Variants in EIF4EBP3 observed in about 807,000 individuals in gnomAD.
EIF4EBP3 encodes eukaryotic translation initiation factor 4E-binding protein 3.
A neutral mutation model predicts 12.1 loss-of-function variants in EIF4EBP3; 11 were observed. The observed-to-expected ratio is 0.91, with a 90% CI of 0.57 to 1.51. The LOEUF is 1.51. EIF4EBP3 is among the 40% of genes most tolerant of loss of function. EIF4EBP3 has a pLI of 0.00. For missense variants in EIF4EBP3, 136 were observed against 131.8 expected (o/e 1.03, Z -0.16); for synonymous variants, 43 against 54.2 (o/e 0.79, Z 0.91).
Position 140,549,448 on chromosome 5 carries a change from C to A in EIF4EBP3, c.*186C>A. On this transcript the variant is annotated 3_prime_UTR_variant, in exon 3 of 3. Transcript: ENST00000310331. ...CCAGGGATAGGAGTGGGCAACTTGC[C>A]AAGCCCTTAACTCTACTTCCTCTTC... 1.1e-6 allele frequency: 1 copy of A among 901,866 alleles called. No individual in the cohort carries two copies. The highest frequency in any genetic ancestry group is 1.7e-6 in the Non-Finnish European group (1 of 582,304). 55.9% of individuals were successfully genotyped at this position (901,866 alleles called of 1,614,324 possible).
At chr5:140,547,979 T>C in intron 1 of EIF4EBP3, 139 bp downstream of exon 1, 1 of 683,748 alleles carries the variant, frequency 1.5e-6, no homozygotes, top group Non-Finnish European at 2.2e-6. Context: ...GGGAGAATGT[T>C]TGGAGCGGAA....
chr5:140,548,928 A>AT lies in EIF4EBP3; in HGVS notation c.126_127insT (p.Lys43Ter). On this transcript the variant is annotated frameshift_variant, in exon 2 of 3. Transcript: ENST00000310331. LOFTEE classifies it high-confidence loss of function. ...CAGGCACCAGGATCATCTACGACCG[A>AT]AAGTTCCTGCTGGAGTGCAAGAACT... The AT allele has an allele frequency of 6.2e-7, 1 of 1,613,956 alleles. No homozygotes were observed. The highest frequency in any genetic ancestry group is 2.2e-5 in the East Asian group (1 of 44,868).
Position 140,549,020 on chromosome 5 carries a change from C to T in EIF4EBP3, c.218C>T (p.Ala73Val), listed in dbSNP as rs1233103151. Residue 73 changes from alanine to valine, a missense_variant, in exon 2 of 3, where the codon GCC becomes GTC. By Grantham distance (64) the Ala-to-Val change is moderately conservative. Coordinates refer to ENST00000310331, the MANE Select transcript of EIF4EBP3 (RefSeq NM_003732.3). ...QIPGVTTPPTAPLSKLEELKE... is the reference protein window; with the variant it reads ...QIPGVTTPPTVPLSKLEELKE... ...CCCGGGGTCACAACTCCTCCAACAG[C>T]CCCTCTCTCCAAGCTGGAGGAGCTG... 4.3e-6 allele frequency: 7 copies of T among 1,614,156 alleles called. No homozygotes were observed. Among genetic ancestry groups the T allele is most frequent in the Non-Finnish European group, 5.1e-6 (6 of 1,180,024 alleles).
Position 140,548,990 on chromosome 5 carries a change from A to G in EIF4EBP3, c.188A>G (p.Gln63Arg), listed in dbSNP as rs1261072281. 2 of 1,613,984 alleles carry G rather than the reference A, an allele frequency of 1.2e-6. No homozygotes were observed. Among genetic ancestry groups the G allele is most frequent in the South Asian group, 2.2e-5 (2 of 91,064 alleles). The change falls in exon 2 of 3, where the codon CAG becomes CGG. Residue 63 changes from glutamine to arginine, a missense_variant. Gln to Arg is a conservative substitution (Grantham distance 43). Coordinates refer to ENST00000310331, the MANE Select transcript of EIF4EBP3 (RefSeq NM_003732.3). ...IARTPPCCLP[Q>R]IPGVTTPPTA... is the part of the protein sequence containing the mutation. Reference sequence around the variant, plus strand: ...CGGACACCCCCCTGCTGCCTCCCTCAGATTCCCGGGGTCACAACTCCTCCA... The same window carrying G: ...CGGACACCCCCCTGCTGCCTCCCTCGGATTCCCGGGGTCACAACTCCTCCA...
rs773017625 is a variant in EIF4EBP3 at position 140,549,219 on chromosome 5, CT to C, written c.275-11del. 6.2e-7 allele frequency: 1 copy of C among 1,614,212 alleles called. No individual in the cohort carries two copies. The highest frequency in any genetic ancestry group is 8.5e-7 in the Non-Finnish European group (1 of 1,180,038). Reference sequence around the variant, plus strand: ...TCAGACCAGCAACCTGTCTTCCTGCCTTTTCTCTCTCCAGATGACGCACAAT... The same window carrying C: ...TCAGACCAGCAACCTGTCTTCCTGCCTTTCTCTCTCCAGATGACGCACAAT... On this transcript the variant is annotated splice_polypyrimidine_tract_variant and intron_variant, in intron 2 of 2. Coordinates refer to ENST00000310331, the MANE Select transcript of EIF4EBP3 (RefSeq NM_003732.3).
chr5:140,548,426 A>G (rs1235973015), intron 1 of EIF4EBP3, among the ~76,000 whole-genome samples: 1 of 152,222 alleles, frequency 6.6e-6, no homozygotes, highest in African/African-American at 2.4e-5. Flanking sequence ...GGATTAGAAC[A>G]GTACGTTTCT....
In EIF4EBP3 at chr5:140,548,922, C is replaced by A. The variant is rs760060728; in HGVS notation, c.120C>A (p.Tyr40Ter). 4.3e-6 allele frequency: 7 copies of A among 1,613,714 alleles called. No individual in the cohort carries two copies. The highest frequency in any genetic ancestry group is 5.1e-6 in the Non-Finnish European group (6 of 1,179,786). Reference sequence around the variant, plus strand: ...CCTTGACAGGCACCAGGATCATCTACGACCGAAAGTTCCTGCTGGAGTGCA... The same window carrying A: ...CCTTGACAGGCACCAGGATCATCTAAGACCGAAAGTTCCTGCTGGAGTGCA... ...ATTPGGTRIIYDRKFLLECKN... is the reference protein window; with the variant it reads ...ATTPGGTRII The change falls in exon 2 of 3, where the codon TAC (tyrosine) becomes TAA (stop). Residue 40 changes from tyrosine to a stop codon, truncating the protein, a stop_gained. Transcript: ENST00000310331. LOFTEE classifies it high-confidence loss of function.
intron 1 of EIF4EBP3, among the ~76,000 whole-genome samples, chr5:140,548,397 T>C (rs1037594931): frequency 6.6e-6 from 1 of 152,218 alleles, no homozygotes; most frequent in African/African-American, 2.4e-5. Context: ...GTGAACCTTA[T>C]AGGACCTGGG....
At chr5:140,548,276 C>G (rs1359614140) in intron 1 of EIF4EBP3, among the ~76,000 whole-genome samples, 1 of 152,226 alleles carries the variant, frequency 6.6e-6, no homozygotes, top group Non-Finnish European at 1.5e-5. Context: ...AGCCTGGGAT[C>G]ACGAGCTGCT....
intron 1 of EIF4EBP3, among the ~76,000 whole-genome samples, chr5:140,548,079 G>C (rs1002989574): frequency 5.3e-5 from 8 of 152,238 alleles, no homozygotes; most frequent in African/African-American, 1.9e-4. Context: ...TGTGGCCTGG[G>C]TTCTTGGAGC....
Position 140,549,550 on chromosome 5 carries a change from T to G in EIF4EBP3, c.*288T>G. The G allele has an allele frequency of 4.0e-6, 2 of 505,834 alleles. No individual in the cohort carries two copies. Among genetic ancestry groups the G allele is most frequent in the East Asian group, 7.1e-5 (2 of 27,980 alleles). 31.3% of individuals were successfully genotyped at this position (505,834 alleles called of 1,614,324 possible). On this transcript the variant is annotated 3_prime_UTR_variant, in exon 3 of 3. Transcript: ENST00000310331. ...CTGGGGAATGGAGTAAGTCACCTTC[T>G]GACTGCTTAGTAAACATTCAAAGAA...
chr5:140,548,928 A>C lies in EIF4EBP3; in HGVS notation c.126A>C (p.Arg42=), dbSNP rs375654616. Residue 42 remains arginine (R), a synonymous_variant, in exon 2 of 3, where the codon CGA becomes CGC. Transcript: ENST00000310331. ...TPGGTRIIYD[R]KFLLECKNSP... ...CAGGCACCAGGATCATCTACGACCG[A>C]AAGTTCCTGCTGGAGTGCAAGAACT... is the stretch of plus-strand genomic sequence containing the variant. 1.2e-5 allele frequency: 19 copies of C among 1,613,956 alleles called. No homozygotes were observed. The highest frequency in any genetic ancestry group is 1.5e-5 in the Non-Finnish European group (18 of 1,179,954).
chr5:140,547,885 G>A, intron 1 of EIF4EBP3, 45 bp downstream of exon 1: 1 of 1,384,522 alleles, frequency 7.2e-7, no homozygotes, highest in Non-Finnish European at 9.4e-7. Flanking sequence ...ACATATTAGC[G>A]CGTGCGTGTT....
At chr5:140,548,038 G>A (rs1012422156) in intron 1 of EIF4EBP3, among the ~76,000 whole-genome samples, 198 bp downstream of exon 1, 8 of 152,242 alleles carry the variant, frequency 5.3e-5, no homozygotes, top group Non-Finnish European at 8.8e-5. Flanking sequence ...CATGAGCCTA[G>A]CTTCCGGGTG....
intron 1 of EIF4EBP3, 63 bp from the exon 2 acceptor site, chr5:140,548,843 G>C (rs1754452995): frequency 6.4e-7 from 1 of 1,552,078 alleles, no homozygotes; most frequent in Non-Finnish European, 8.7e-7. Context: ...GCCTGAGTCT[G>C]GGACCCCAGT....
At chr5:140,548,289 G>T (rs1754431888) in intron 1 of EIF4EBP3, among the ~76,000 whole-genome samples, 1 of 152,216 alleles carries the variant, frequency 6.6e-6, no homozygotes, top group South Asian at 2.1e-4. Flanking sequence ...GAGCTGCTGG[G>T]CTCCCGACCC....
At chr5:140,548,805 C>T (rs1397148039) in intron 1 of EIF4EBP3, 101 bp from the exon 2 acceptor site, 1 of 1,467,842 alleles carries the variant, frequency 6.8e-7, no homozygotes, top group East Asian at 2.4e-5. Flanking sequence ...GGAAATTTGA[C>T]ACCACCCTCA....
In EIF4EBP3 at chr5:140,549,318, T is replaced by G; in HGVS notation, c.*56T>G. 6.2e-7 allele frequency: 1 copy of G among 1,613,966 alleles called. No homozygotes were observed. The highest frequency in any genetic ancestry group is 1.7e-5 in the Admixed American group (1 of 60,026). On this transcript the variant is annotated 3_prime_UTR_variant, in exon 3 of 3. Coordinates refer to ENST00000310331, the MANE Select transcript of EIF4EBP3 (RefSeq NM_003732.3). ...ACAGAGGGATCCCTCATGCCACTGC[T>G]GCCACCACCTCTTCCTGGGGCATCC...
In EIF4EBP3 at chr5:140,549,089, G is replaced by A; in HGVS notation, c.274+13G>A. 6.2e-7 allele frequency: 1 copy of A among 1,614,046 alleles called. No homozygotes were observed. The highest frequency in any genetic ancestry group is 8.5e-7 in the Non-Finnish European group (1 of 1,179,908). On this transcript the variant is annotated intron_variant, in intron 2 of 2. Coordinates refer to ENST00000310331, the MANE Select transcript of EIF4EBP3 (RefSeq NM_003732.3). ...GAAGAGATACCCGGTAAGGAAAGCA[G>A]GAATTAAGAATTGTCCCAGCCTTTG...
Sources: allele counts gnomAD v4.1 joint callset (sites outside exome capture counted in the v4.1 genomes callset), GRCh38; gene constraint gnomAD v4.1.1; transcripts MANE v1.5; gene names NCBI Gene and HGNC (gene_info 2026-07-23, HGNC 2026-07-21).